PCNX2: variants seen among roughly 807,000 people sequenced by gnomAD.
PCNX2 encodes the protein pecanex-like protein 2.
Under a neutral mutation model 223.8 loss-of-function variants are expected in PCNX2, and 168 were observed. That is an observed-to-expected ratio of 0.75 (90% CI 0.66 to 0.85). The LOEUF is 0.85. PCNX2 is among the 40% of genes least tolerant of loss of function. PCNX2 has a pLI of 0.00. For missense variants in PCNX2, 2,507 were observed against 2,675.5 expected (o/e 0.94, Z 1.39); for synonymous variants, 1,006 against 1,052.6 (o/e 0.96, Z 0.86).
intron 23 of PCNX2, among the ~76,000 whole-genome samples, chr1:233,063,439 A>G (rs1672478722): frequency 6.6e-6 from 1 of 152,176 alleles, no homozygotes. Flanking sequence ...AAAGTTAACC[A>G]TACTGAAAAA....
chr1:233,201,144 C>T (rs1162875701), intron 13 of PCNX2, among the ~76,000 whole-genome samples: 1 of 134,672 alleles, frequency 7.4e-6, no homozygotes, highest in Admixed American at 7.5e-5. Flanking sequence ...GGTTAAAATT[C>T]ACTATGGAAC....
At chr1:233,054,743 A>C in intron 24 of PCNX2, 1 of 269,322 alleles carries the variant, frequency 3.7e-6, no homozygotes, top group Non-Finnish European at 7.0e-6. Flanking sequence ...AATACAAACA[A>C]TCATTGCTAG....
intron 1 of PCNX2, among the ~76,000 whole-genome samples, chr1:233,289,853 G>T (rs1661657865): frequency 6.6e-6 from 1 of 152,238 alleles, no homozygotes; most frequent in African/African-American, 2.4e-5. Context: ...TGTGGAATGG[G>T]CCAAGCCTGC....
At chr1:233,199,404 G>A (rs987450016) in intron 14 of PCNX2, among the ~76,000 whole-genome samples, 1 of 152,040 alleles carries the variant, frequency 6.6e-6, no homozygotes, top group Non-Finnish European at 1.5e-5. Context: ...AAGGCAGGAG[G>A]AGAGAGGAGA....
chr1:233,321,809 T>G, the PCNX2 span, among the ~76,000 whole-genome samples: 28 of 152,352 alleles, frequency 1.8e-4, no homozygotes, highest in African/African-American at 5.5e-4. Context: ...AATACTACAG[T>G]TTGAAGCCAC....
At chr1:233,293,280 A>G (rs1407739686) in intron 1 of PCNX2, among the ~76,000 whole-genome samples, 1 of 152,220 alleles carries the variant, frequency 6.6e-6, no homozygotes, top group African/African-American at 2.4e-5. Flanking sequence ...TTTTATTCTT[A>G]GGAAATATTC....
At chr1:233,021,536 T>C (rs1329618412) in intron 26 of PCNX2, among the ~76,000 whole-genome samples, 3 of 152,052 alleles carry the variant, frequency 2.0e-5, no homozygotes, top group Non-Finnish European at 4.4e-5. Context: ...CCCAGGCCCA[T>C]GGAATTCGAA....
Position 233,252,757 on chromosome 1 carries a change from G to T in PCNX2, c.1866C>A (p.Ile622=). Residue 622 remains isoleucine (I), a synonymous_variant, in exon 6 of 34, where the codon ATC becomes ATA. Coordinates refer to ENST00000258229, the MANE Select transcript of PCNX2 (RefSeq NM_014801.4). ...DNCSQEKKEE[I]LENEKPSGHS... is the part of the protein sequence containing the mutation. ...GTCCACTGGGCTTTTCATTTTCCAG[G>T]ATTTCCTCCTTTTTTTCCTGGGAAC... 5.6e-6 allele frequency: 9 copies of T among 1,611,758 alleles called. No homozygotes were observed. Among genetic ancestry groups the T allele is most frequent in the Non-Finnish European group, 7.6e-6 (9 of 1,179,476 alleles).
intron 1 of PCNX2, among the ~76,000 whole-genome samples, chr1:233,292,167 G>T (rs1416916569): frequency 6.7e-6 from 1 of 149,896 alleles, no homozygotes; most frequent in East Asian, 1.9e-4. Context: ...TTAAAAAGTG[G>T]ATCCTTTCAA....
At chr1:233,174,053 A>G (rs931542583) in intron 17 of PCNX2, among the ~76,000 whole-genome samples, 10 of 139,718 alleles carry the variant, frequency 7.2e-5, no homozygotes, top group Non-Finnish European at 1.1e-4. Flanking sequence ...AAACAAATAT[A>G]TAATTTAAAT....
At chr1:233,012,109 T>C (rs1038972833) in intron 28 of PCNX2, among the ~76,000 whole-genome samples, 3 of 152,130 alleles carry the variant, frequency 2.0e-5, no homozygotes, top group African/African-American at 7.2e-5. Context: ...GCCACAGAAG[T>C]CTTCTGTGTT....
chr1:233,235,956 AAAT>A (rs1321807302), intron 9 of PCNX2, among the ~76,000 whole-genome samples: 10 of 98,546 alleles, frequency 1.0e-4, no homozygotes, highest in African/African-American at 3.4e-4. Flanking sequence ...TCATAAAAAA[AAAT>A]ATATATATAT....
intron 23 of PCNX2, among the ~76,000 whole-genome samples, chr1:233,077,609 C>CCT (rs1363525111): frequency 6.6e-6 from 1 of 152,156 alleles, no homozygotes; most frequent in Admixed American, 6.6e-5. Context: ...CTGTCCTATG[C>CCT]CTCTCTCACA....
At chr1:233,134,326 G>C (rs1676681495) in intron 21 of PCNX2, among the ~76,000 whole-genome samples, 1 of 152,172 alleles carries the variant, frequency 6.6e-6, no homozygotes, top group African/African-American at 2.4e-5. Context: ...GAACTCCCAA[G>C]TATCCAGAGG....
intron 28 of PCNX2, among the ~76,000 whole-genome samples, chr1:233,007,869 G>A (rs1263897715): frequency 6.6e-6 from 1 of 151,936 alleles, no homozygotes; most frequent in Admixed American, 6.6e-5. Context: ...AGTAGAGACA[G>A]GGTTTCACCA....
At chr1:233,260,493 T>C (rs938459353) in intron 4 of PCNX2, among the ~76,000 whole-genome samples, 2 of 152,170 alleles carry the variant, frequency 1.3e-5, no homozygotes, top group Non-Finnish European at 2.9e-5. Context: ...ACTAAAATAT[T>C]AGAAGTCTAA....
chr1:232,986,659 T>A, intron 32 of PCNX2, 119 bp from the exon 33 acceptor site: 3 of 916,680 alleles, frequency 3.3e-6, no homozygotes, highest in Non-Finnish European at 4.7e-6. Flanking sequence ...GTGCACCACC[T>A]GCAAGGCTGG....
Position 233,243,232 on chromosome 1 carries a change from C to T in PCNX2, c.2223-6252G>A, listed in dbSNP as rs142041857. ...GGGAGTCAGGGATATAAAACTGTCACACGGTAACAAGGCTCAACAATAGCT... is the reference window on the plus strand; with the variant it reads ...GGGAGTCAGGGATATAAAACTGTCATACGGTAACAAGGCTCAACAATAGCT... On this transcript the variant is annotated intron_variant, in intron 8 of 33. Coordinates refer to ENST00000258229, the MANE Select transcript of PCNX2 (RefSeq NM_014801.4). Among the ~76,000 whole-genome samples the T allele has an allele frequency of 6.1e-3, 924 of 152,252 alleles. 7 individuals are homozygous for T. The highest frequency in any genetic ancestry group is 0.01 in the Middle Eastern group (3 of 294).
intron 12 of PCNX2, among the ~76,000 whole-genome samples, chr1:233,210,853 A>ATT: frequency 6.6e-6 from 1 of 152,258 alleles, no homozygotes; most frequent in Middle Eastern, 3.4e-3. Flanking sequence ...TTGCAAGGCT[A>ATT]TTGCACAAAA....
Sources: gnomAD v4.1 joint callset for allele counts (sites outside exome capture counted in the v4.1 genomes callset) on GRCh38, gnomAD v4.1.1 for gene constraint, MANE v1.5 for transcripts, NCBI Gene and HGNC (gene_info 2026-07-23, HGNC 2026-07-21) for gene names.